Variants in C6orf89 observed in about 807,000 individuals in gnomAD.
C6orf89 encodes the protein chromosome 6 open reading frame 89.
In C6orf89, 29 loss-of-function variants were observed where a neutral mutation model predicts 40.7. That is an observed-to-expected ratio of 0.71 (90% CI 0.53 to 0.97). The LOEUF is 0.97. C6orf89 is among the 50% of genes least tolerant of loss of function. The pLI is 0.00. For missense variants in C6orf89, 392 were observed against 429.1 expected, an observed-to-expected ratio of 0.91 and a Z score of 0.76; for synonymous variants, 165 against 152.2, an observed-to-expected ratio of 1.08 and a Z score of -0.62.
chr6:36,895,477 C>A (rs1003355474), intron 2 of C6orf89, among the ~76,000 whole-genome samples: 8 of 152,112 alleles, frequency 5.3e-5, no homozygotes, highest in African/African-American at 1.9e-4. Flanking sequence ...AAGTCACTTC[C>A]CATCTGGAAA....
At position 36,928,061 on chromosome 6, in the gene C6orf89, AATAC is replaced by A. The variant is rs1034113267; in HGVS notation, c.*4623_*4626del. On this transcript the variant is annotated 3_prime_UTR_variant, in exon 9 of 9. Coordinates refer to ENST00000480824, the MANE Select transcript of C6orf89 (RefSeq NM_001286635.2). ...CTGCATAATTTAAGCATTAGTGCCA[AATAC>A]ATCTGTCATATTCCTCTCCCTGGAG... 2 of 152,222 alleles carry A rather than the reference AATAC, an allele frequency of 1.3e-5. No homozygotes were observed. Among genetic ancestry groups the A allele is most frequent in the Non-Finnish European group, 2.9e-5 (2 of 68,048 alleles). 9.4% of individuals were successfully genotyped at this position (152,222 alleles called of 1,614,324 possible). A position where few individuals can be genotyped will look rare whatever the true frequency, so the allele number is the denominator to read the frequency against.
chr6:36,903,820 G>T (rs1375941627), intron 4 of C6orf89, among the ~76,000 whole-genome samples: 1 of 152,076 alleles, frequency 6.6e-6, no homozygotes, highest in Admixed American at 6.6e-5. Context: ...AGGGAACATT[G>T]TAAGACAAGA....
chr6:36,886,095 T>C (rs933331313), intron 1 of C6orf89, 67 bp downstream of exon 1: 97 of 1,208,910 alleles, frequency 8.0e-5, no homozygotes, highest in Non-Finnish European at 1.0e-4. Context: ...CGCGCCCGTC[T>C]CTGACATCCT....
chr6:36,925,759 C>G lies in C6orf89; in HGVS notation c.*2318C>G, dbSNP rs1295322919. ...CCAGTCCCTTTCTGATGATCAAGGC[C>G]CTGCACAGCAGGATGCCACAGGATG... On this transcript the variant is annotated 3_prime_UTR_variant, in exon 9 of 9. Transcript: ENST00000480824. The G allele has an allele frequency of 3.3e-5, 5 of 152,234 alleles. No homozygotes were observed. Among genetic ancestry groups the G allele is most frequent in the Admixed American group, 2.6e-4 (4 of 15,280 alleles). 9.4% of individuals were successfully genotyped at this position (152,234 alleles called of 1,614,324 possible). A position where few individuals can be genotyped will look rare whatever the true frequency, so the allele number is the denominator to read the frequency against.
chr6:36,886,081 T>TTGC (rs1554134518), intron 1 of C6orf89, 53 bp downstream of exon 1: 14 of 1,230,714 alleles, frequency 1.1e-5, no homozygotes, highest in South Asian at 3.7e-5. Context: ...TGTGACAGCC[T>TTGC]CGCCGCGCCC....
upstream of C6orf89, among the ~76,000 whole-genome samples, chr6:36,884,980 A>T (rs1406273093): frequency 1.3e-5 from 2 of 152,234 alleles, no homozygotes; most frequent in Non-Finnish European, 2.9e-5. This position sits in a 1 kb window ranked among gnomAD's most constrained non-coding sequence, Gnocchi z 4.0. Context: ...CCATACAGGT[A>T]CACTTATGAC....
chr6:36,886,113 C>CGGCGAGAAGCGGCTG, intron 1 of C6orf89, 85 bp downstream of exon 1: 2 of 1,113,358 alleles, frequency 1.8e-6, no homozygotes, highest in Non-Finnish European at 2.3e-6. Flanking sequence ...CCTCGCGCAG[C>CGGCGAGAAGCGGCTG]CGCTTCTCGC....
At chr6:36,917,264 C>T (rs973085974) in intron 7 of C6orf89, among the ~76,000 whole-genome samples, 1 of 152,034 alleles carries the variant, frequency 6.6e-6, no homozygotes, top group African/African-American at 2.4e-5. Context: ...AGTGTGGGAG[C>T]CTGGGAAGGA....
intron 4 of C6orf89, among the ~76,000 whole-genome samples, chr6:36,902,782 A>C (rs1161747234): frequency 6.6e-6 from 1 of 152,188 alleles, no homozygotes; most frequent in Non-Finnish European, 1.5e-5. Context: ...CATAATGCAT[A>C]TTTAATACAT....
chr6:36,924,426 G>T lies in C6orf89; in HGVS notation c.*985G>T, dbSNP rs1389155910. The T allele has an allele frequency of 6.6e-6, 1 of 152,244 alleles. No individual in the cohort carries two copies. The highest frequency in any genetic ancestry group is 1.5e-5 in the Non-Finnish European group (1 of 68,050). The allele number at this position is 152,244 out of a possible 1,614,324, so 9.4% of individuals were successfully genotyped here. A position where few individuals can be genotyped will look rare whatever the true frequency, so the allele number is the denominator to read the frequency against. ...TTGGGGGAGGAAATCCAGACCCAAA[G>T]TGTTTGTCAGCTGGGTGTACAACTG... On this transcript the variant is annotated 3_prime_UTR_variant, in exon 9 of 9. Coordinates refer to ENST00000480824, the MANE Select transcript of C6orf89 (RefSeq NM_001286635.2).
intron 1 of C6orf89, chr6:36,874,593 C>G (rs1774597841): frequency 7.6e-7 from 1 of 1,322,652 alleles, no homozygotes; most frequent in South Asian, 1.2e-5. Context: ...CCGTCTCGGC[C>G]GCTGCTCCAC....
chr6:36,891,124 C>G (rs1433053700), intron 1 of C6orf89, among the ~76,000 whole-genome samples: 1 of 152,106 alleles, frequency 6.6e-6, no homozygotes, highest in African/African-American at 2.4e-5. Context: ...AGGTATATCT[C>G]CTAATGCTAT....
intron 3 of C6orf89, among the ~76,000 whole-genome samples, chr6:36,901,701 C>T (rs1217689832): frequency 2.0e-5 from 3 of 150,280 alleles, no homozygotes; most frequent in South Asian, 2.1e-4. Context: ...CGGAGTCTCT[C>T]GCTCTGTCGC....
chr6:36,874,820 G>A (rs1298352078), intron 1 of C6orf89: 2 of 1,601,076 alleles, frequency 1.2e-6, no homozygotes, highest in Non-Finnish European at 1.7e-6. Flanking sequence ...TACTTCCGGC[G>A]TCGATTAGCT....
chr6:36,908,800 T>C (rs1189416002), intron 4 of C6orf89, among the ~76,000 whole-genome samples: 1 of 152,234 alleles, frequency 6.6e-6, no homozygotes, highest in Non-Finnish European at 1.5e-5. Context: ...TCAAAGGCTC[T>C]AGGGAAGAAT....
chr6:36,914,779 T>A, intron 6 of C6orf89, 86 bp downstream of exon 6: 1 of 1,519,326 alleles, frequency 6.6e-7, no homozygotes, highest in Non-Finnish European at 9.0e-7. Context: ...CACTTGAGCC[T>A]AGGAGTTGCA....
intron 1 of C6orf89, among the ~76,000 whole-genome samples, chr6:36,876,724 C>CA (rs71540176): frequency 0.08 from 7,177 of 90,134 alleles, 178 homozygotes; most frequent in African/African-American, 0.12. Flanking sequence ...AACTCCATCT[C>CA]AAAAAAAAAA....
At position 36,925,984 on chromosome 6, in the gene C6orf89, T is replaced by C. The variant is rs1253937288; in HGVS notation, c.*2543T>C. 6.6e-6 allele frequency: 1 copy of C among 152,248 alleles called. No homozygotes were observed. The highest frequency in any genetic ancestry group is 2.4e-5 in the African/African-American group (1 of 41,456). 9.4% of individuals were successfully genotyped at this position (152,248 alleles called of 1,614,324 possible). On this transcript the variant is annotated 3_prime_UTR_variant, in exon 9 of 9. Transcript: ENST00000480824. The stretch of plus-strand genomic sequence containing the variant: ...GTTTACAAGTTTATTGAGCATTTAC[T>C]AGGAAGTGACATGGCGATGACCTCT...
intron 1 of C6orf89, among the ~76,000 whole-genome samples, chr6:36,876,198 G>A (rs1467581619): frequency 6.6e-6 from 1 of 151,920 alleles, no homozygotes; most frequent in African/African-American, 2.4e-5. Flanking sequence ...TGTGTATCTC[G>A]GGAGTCATGT....
Sources: allele counts gnomAD v4.1 joint callset (sites outside exome capture counted in the v4.1 genomes callset), GRCh38; gene constraint gnomAD v4.1.1; non-coding constraint Gnocchi (gnomAD v3.1); transcripts MANE v1.5; gene names NCBI Gene and HGNC (gene_info 2026-07-23, HGNC 2026-07-21).